The following CACNA1D variants were observed in gnomAD, a reference collection of about 807,000 sequenced individuals.
CACNA1D encodes the protein calcium voltage-gated channel subunit alpha1 D, also known as voltage-dependent L-type calcium channel subunit alpha-1D.
Under a neutral mutation model 257.1 loss-of-function variants are expected in CACNA1D, and 55 were observed. That is an observed-to-expected ratio of 0.21 (90% CI 0.17 to 0.27). The LOEUF is 0.27. CACNA1D is among the 10% of genes least tolerant of loss of function. The pLI, the probability that CACNA1D is intolerant of heterozygous loss-of-function variation, is 1.00. For synonymous variants in CACNA1D, 980 were observed against 1,014.9 expected (o/e 0.97, Z 0.65); for missense variants, 1,876 against 2,784.0 (o/e 0.67, Z 7.34).
chr3:53,781,033 A>G (rs1203112563), intron 38 of CACNA1D, among the ~76,000 whole-genome samples: 2 of 152,256 alleles, frequency 1.3e-5, no homozygotes, highest in Non-Finnish European at 2.9e-5. Flanking sequence ...AGCATTGTTA[A>G]GGGCTCCAGA....
chr3:53,549,598 T>G (rs922059434), intron 3 of CACNA1D, among the ~76,000 whole-genome samples: 1 of 152,220 alleles, frequency 6.6e-6, no homozygotes, highest in Admixed American at 6.5e-5. Context: ...GACACAGTCT[T>G]TAGGTGCTCA....
intron 3 of CACNA1D, among the ~76,000 whole-genome samples, chr3:53,586,276 C>CTGTGTGTGTGTGTG (rs57318445): frequency 1.5e-5 from 2 of 135,938 alleles, no homozygotes; most frequent in Admixed American, 7.3e-5. Context: ...TGCCTCTATT[C>CTGTGTGTGTGTGTG]TGTGTGTGTG....
At chr3:53,697,770 A>G (rs1230122644) in intron 8 of CACNA1D, among the ~76,000 whole-genome samples, 1 of 152,192 alleles carries the variant, frequency 6.6e-6, no homozygotes, top group African/African-American at 2.4e-5. Context: ...TCAGTGCTCA[A>G]ATTTCCTAAG....
intron 44 of CACNA1D, among the ~76,000 whole-genome samples, chr3:53,804,348 C>T (rs1257129969): frequency 1.3e-5 from 2 of 152,196 alleles, no homozygotes; most frequent in African/African-American, 2.4e-5. Flanking sequence ...CAGATGAACT[C>T]GTGTTCCCTT....
intron 8 of CACNA1D, among the ~76,000 whole-genome samples, chr3:53,675,894 C>T (rs1027122659): frequency 6.6e-6 from 1 of 152,320 alleles, no homozygotes; most frequent in East Asian, 1.9e-4. Context: ...GCTCAAACCC[C>T]TAGAGGCTGC....
chr3:53,575,700 A>T (rs763218383), intron 3 of CACNA1D, among the ~76,000 whole-genome samples: 1 of 149,192 alleles, frequency 6.7e-6, no homozygotes. Flanking sequence ...GAGTAAAGAC[A>T]TACACCAATT....
chr3:53,737,544 C>T (rs935964785), intron 20 of CACNA1D, among the ~76,000 whole-genome samples: 6 of 152,156 alleles, frequency 3.9e-5, no homozygotes, highest in Non-Finnish European at 8.8e-5. Context: ...GTCAAGGGAC[C>T]GGGAGCAGTG....
chr3:53,538,077 A>G (rs1041262589), intron 3 of CACNA1D, among the ~76,000 whole-genome samples: 7 of 141,868 alleles, frequency 4.9e-5, no homozygotes, highest in Admixed American at 4.2e-4. Context: ...TCTTAGTTCT[A>G]TGATTTCTGT....
In CACNA1D at chr3:53,730,466, C is replaced by T; in HGVS notation, c.2246C>T (p.Ala749Val). ...GATATTCTACTGAATGTCTTCTTGGCCATCGCTGTAGACAATTTGGCTGAT... is the reference window on the plus strand; with the variant it reads ...GATATTCTACTGAATGTCTTCTTGGTCATCGCTGTAGACAATTTGGCTGAT... ...GNYILLNVFL[A>V]IAVDNLADAE... Residue 749 changes from alanine (A) to valine (V), a missense_variant, in exon 16 of 48, where the codon GCC (alanine) becomes GTC (valine). By Grantham distance (64) the Ala-to-Val change is moderately conservative (BLOSUM62 0). Around this residue, in one of 10 missense-constraint regions of CACNA1D, gnomAD observed 257 missense variants for 399.7 expected, o/e 0.64. Transcript: ENST00000350061. 6.2e-7 allele frequency: 1 copy of T among 1,613,038 alleles called. No individual in the cohort carries two copies. The highest frequency in any genetic ancestry group is 8.5e-7 in the Non-Finnish European group (1 of 1,178,956).
At chr3:53,780,165 AAGGAG>A in intron 38 of CACNA1D, 37 bp downstream of exon 38, 1 of 1,492,390 alleles carries the variant, frequency 6.7e-7, no homozygotes, top group Middle Eastern at 1.7e-4. Flanking sequence ...GATGGCAGGA[AAGGAG>A]AGAGACATCA....
intron 4 of CACNA1D, among the ~76,000 whole-genome samples, chr3:53,653,120 G>A (rs929262430): frequency 7.2e-5 from 11 of 152,114 alleles, no homozygotes; most frequent in East Asian, 1.9e-4. Context: ...GTGTGGTGGC[G>A]CATGCCTGTA....
chr3:53,683,320 G>A (rs1372096042), intron 8 of CACNA1D, among the ~76,000 whole-genome samples: 1 of 152,190 alleles, frequency 6.6e-6, no homozygotes, highest in African/African-American at 2.4e-5. Context: ...ATTGGGTACT[G>A]AGACTTCAGA....
At chr3:53,585,324 G>C (rs572518470) in intron 3 of CACNA1D, among the ~76,000 whole-genome samples, 1 of 152,134 alleles carries the variant, frequency 6.6e-6, no homozygotes, top group Non-Finnish European at 1.5e-5. Context: ...TGGGAGTCAG[G>C]CTGGGGCATT....
At chr3:53,529,224 G>A (rs2091867472) in intron 3 of CACNA1D, among the ~76,000 whole-genome samples, 1 of 152,134 alleles carries the variant, frequency 6.6e-6, no homozygotes, top group African/African-American at 2.4e-5. Flanking sequence ...ATGAAAGGAT[G>A]TTGAATTTTG....
chr3:53,593,460 C>T (rs2093333148), intron 3 of CACNA1D, among the ~76,000 whole-genome samples: 1 of 152,168 alleles, frequency 6.6e-6, no homozygotes, highest in Non-Finnish European at 1.5e-5. Flanking sequence ...TTTCTCTCCT[C>T]AGATGTGTGA....
chr3:53,667,768 A>G (rs1344729757), intron 7 of CACNA1D, among the ~76,000 whole-genome samples: 2 of 152,036 alleles, frequency 1.3e-5, no homozygotes, highest in Non-Finnish European at 2.9e-5. Context: ...CCAACATGTT[A>G]TATCTTGTTT....
rs759940807 is a variant in CACNA1D at position 53,803,410 on chromosome 3, C to T, written c.5436-13C>T. ...GCCTGCCCAGGTTCTCAGATCCTCT[C>T]TCCCAACTGCAGGTCCGACTCAGGA... On this transcript the variant is annotated splice_polypyrimidine_tract_variant and intron_variant, in intron 43 of 47. Transcript: ENST00000350061. 1.1e-5 allele frequency: 18 copies of T among 1,614,030 alleles called. No individual in the cohort carries two copies. The highest frequency in any genetic ancestry group is 1.4e-5 in the Non-Finnish European group (17 of 1,180,012).
chr3:53,632,219 A>T (rs79321841), intron 3 of CACNA1D, among the ~76,000 whole-genome samples: 2,688 of 152,356 alleles, frequency 0.018, 38 homozygotes, highest in East Asian at 0.052. Context: ...AACTTGCTGC[A>T]GCATCCTCAT....
chr3:53,629,602 A>G (rs146878290), intron 3 of CACNA1D, among the ~76,000 whole-genome samples: 3 of 152,290 alleles, frequency 2.0e-5, no homozygotes, highest in Non-Finnish European at 4.4e-5. Context: ...CATGTGGCAT[A>G]CATTGCAGGT....
Sources: gnomAD v4.1 joint callset for allele counts (sites outside exome capture counted in the v4.1 genomes callset) on GRCh38, gnomAD v4.1.1 for gene constraint, gnomAD v4.1.1 regional missense constraint, MANE v1.5 for transcripts, NCBI Gene and HGNC (gene_info 2026-07-23, HGNC 2026-07-21) for gene names.